ZDHHC2: variants seen among roughly 807,000 people sequenced by gnomAD.
ZDHHC2 encodes the protein palmitoyltransferase ZDHHC2.
A neutral mutation model predicts 55.6 loss-of-function variants in ZDHHC2; 51 were observed. The observed-to-expected ratio is 0.92, with a 90% CI of 0.73 to 1.16. The LOEUF is 1.16. Among genes scored for constraint, ZDHHC2 ranks in the 50% most tolerant of loss-of-function variants. ZDHHC2 has a pLI of 0.00. For synonymous variants in ZDHHC2, 199 were observed against 152.9 expected, an observed-to-expected ratio of 1.30 and a Z score of -2.22; for missense variants, 491 against 442.4, an observed-to-expected ratio of 1.11 and a Z score of -0.99.
chr8:17,204,342 G>A (rs985655806), intron 6 of ZDHHC2, among the ~76,000 whole-genome samples: 32 of 152,186 alleles, frequency 2.1e-4, no homozygotes, highest in Non-Finnish European at 4.3e-4. Flanking sequence ...GAACAAGAAC[G>A]TTTGAGAAAA....
At chr8:17,205,796 C>T in intron 7 of ZDHHC2, 21 bp downstream of exon 7, 1 of 1,584,288 alleles carries the variant, frequency 6.3e-7, no homozygotes, top group Non-Finnish European at 8.5e-7. Context: ...AACTTGGTAA[C>T]TCTTTTTTTG....
intron 1 of ZDHHC2, among the ~76,000 whole-genome samples, chr8:17,158,000 A>G (rs1045031338): frequency 1.3e-5 from 2 of 152,184 alleles, no homozygotes; most frequent in African/African-American, 2.4e-5. Flanking sequence ...ATAATCACTG[A>G]TGTAAGTTGT....
intron 3 of ZDHHC2, among the ~76,000 whole-genome samples, chr8:17,188,890 C>T (rs545845035): frequency 1.3e-5 from 2 of 152,274 alleles, no homozygotes; most frequent in East Asian, 1.9e-4. Context: ...CTCTTCTGTT[C>T]AGGCCAGAAA....
At position 17,156,702 on chromosome 8, in the gene ZDHHC2, G is replaced by T. The variant is rs1211418529; in HGVS notation, c.-22G>T. The T allele has an allele frequency of 1.4e-6, 2 of 1,434,810 alleles. No homozygotes were observed. Among genetic ancestry groups the T allele is most frequent in the Non-Finnish European group, 9.2e-7 (1 of 1,089,450 alleles). 88.9% of individuals were successfully genotyped at this position (1,434,810 alleles called of 1,614,324 possible). A position where few individuals can be genotyped will look rare whatever the true frequency, so the allele number is the denominator to read the frequency against. ...AGGCCCGCGGGCGGCGGCGGAGCTG[G>T]GCAGGTGGATGCGGCTGGAAGATGG... On this transcript the variant is annotated 5_prime_UTR_variant, in exon 1 of 13. Coordinates refer to ENST00000262096, the MANE Select transcript of ZDHHC2 (RefSeq NM_016353.5).
intron 1 of ZDHHC2, among the ~76,000 whole-genome samples, chr8:17,157,907 G>A (rs919479489): frequency 2.6e-5 from 4 of 152,116 alleles, no homozygotes; most frequent in African/African-American, 9.7e-5. Flanking sequence ...AAAGCCTCAA[G>A]ATTCAGACAT....
intron 6 of ZDHHC2, among the ~76,000 whole-genome samples, chr8:17,199,491 T>TTCG (rs1255581276): frequency 0.025 from 932 of 37,278 alleles, 20 homozygotes; most frequent in Middle Eastern, 0.045. Flanking sequence ...CTTCTTCTTC[T>TTCG]TCTTCTTCTT....
At chr8:17,184,078 A>G (rs922979094) in intron 1 of ZDHHC2, among the ~76,000 whole-genome samples, 1 of 152,224 alleles carries the variant, frequency 6.6e-6, no homozygotes, top group African/African-American at 2.4e-5. Context: ...AGACTCTAGT[A>G]CAAAGAGAGA....
chr8:17,201,792 G>A (rs886753346), intron 6 of ZDHHC2, among the ~76,000 whole-genome samples: 6 of 151,542 alleles, frequency 4.0e-5, no homozygotes, highest in Non-Finnish European at 7.4e-5. Flanking sequence ...CAACGCGCCC[G>A]GCCAGGGCAG....
chr8:17,169,210 A>G (rs1336047773), intron 1 of ZDHHC2, among the ~76,000 whole-genome samples: 1 of 150,600 alleles, frequency 6.6e-6, no homozygotes, highest in Non-Finnish European at 1.5e-5. Context: ...TATCCATGAG[A>G]TGTATCAGTG....
rs906728398 is a variant in ZDHHC2, at chr8:17,223,660, A to G, written c.*3439A>G. 3.3e-5 allele frequency: 5 copies of G among 151,770 alleles called. No homozygotes were observed. The highest frequency in any genetic ancestry group is 6.6e-5 in the Admixed American group (1 of 15,220). 9.4% of individuals were successfully genotyped at this position (151,770 alleles called of 1,614,324 possible). The stretch of plus-strand genomic sequence containing the variant: ...TTCCTAGATTCTACTTTTTATTGCA[A>G]GTGTTAGCAATATGATCTTGTAACG... On this transcript the variant is annotated 3_prime_UTR_variant, in exon 13 of 13. Transcript: ENST00000262096.
intron 1 of ZDHHC2, among the ~76,000 whole-genome samples, chr8:17,170,918 T>C (rs760921866): frequency 2.0e-5 from 3 of 152,236 alleles, no homozygotes; most frequent in Non-Finnish European, 4.4e-5. Flanking sequence ...AAAATAATCA[T>C]TGAGGCACTT....
At chr8:17,199,918 C>G (rs2150930481) in intron 6 of ZDHHC2, among the ~76,000 whole-genome samples, 2 of 152,114 alleles carry the variant, frequency 1.3e-5, no homozygotes, top group South Asian at 4.1e-4. Flanking sequence ...GTAACCTCAC[C>G]TGGCTAATTT....
chr8:17,211,265 G>A (rs926151357), intron 10 of ZDHHC2, among the ~76,000 whole-genome samples: 1 of 152,170 alleles, frequency 6.6e-6, no homozygotes, highest in African/African-American at 2.4e-5. Flanking sequence ...ATGAAAGCCA[G>A]TAGCAAAAGC....
rs1807887769 is a variant in ZDHHC2, at chr8:17,220,805, C to A, written c.*584C>A. On this transcript the variant is annotated 3_prime_UTR_variant, in exon 13 of 13. Transcript: ENST00000262096. ...GTCCAGGTGGCCTGCAGTTGAAGAT[C>A]ATCAACCATTTTTGCCTCACTTAAT... is the stretch of plus-strand genomic sequence containing the variant. 1 of 152,168 alleles carries A rather than the reference C, an allele frequency of 6.6e-6. No individual in the cohort carries two copies. The highest frequency in any genetic ancestry group is 1.5e-5 in the Non-Finnish European group (1 of 68,012). The allele number at this position is 152,168 out of a possible 1,614,324, so 9.4% of individuals were successfully genotyped here. A position where few individuals can be genotyped will look rare whatever the true frequency, so the allele number is the denominator to read the frequency against.
chr8:17,177,752 T>C (rs958123837), intron 1 of ZDHHC2, among the ~76,000 whole-genome samples: 2 of 148,716 alleles, frequency 1.3e-5, no homozygotes, highest in Non-Finnish European at 3.0e-5. Context: ...TTTGGGGTGT[T>C]TGTGTGTGTG....
chr8:17,171,526 T>G (rs1804852041), intron 1 of ZDHHC2, among the ~76,000 whole-genome samples: 1 of 152,146 alleles, frequency 6.6e-6, no homozygotes, highest in South Asian at 2.1e-4. Flanking sequence ...TTTTCAGAAC[T>G]GATAGATTGA....
intron 12 of ZDHHC2, among the ~76,000 whole-genome samples, 167 bp from the exon 13 acceptor site, chr8:17,220,089 C>T (rs1386560611): frequency 6.6e-6 from 1 of 151,930 alleles, no homozygotes; most frequent in Non-Finnish European, 1.5e-5. Flanking sequence ...AAAGTTTGAG[C>T]AGTATTGATG....
chr8:17,176,248 G>C (rs1039619030), intron 1 of ZDHHC2, among the ~76,000 whole-genome samples: 1 of 152,132 alleles, frequency 6.6e-6, no homozygotes, highest in East Asian at 1.9e-4. Context: ...AGACTGTTAG[G>C]AATATCAGGA....
chr8:17,216,936 A>T (rs1363103319), intron 11 of ZDHHC2, among the ~76,000 whole-genome samples: 1 of 152,140 alleles, frequency 6.6e-6, no homozygotes, highest in African/African-American at 2.4e-5. Context: ...CTACTTCCTC[A>T]GATGTCTATT....
Sources: gnomAD v4.1 joint callset for allele counts (sites outside exome capture counted in the v4.1 genomes callset) on GRCh38, gnomAD v4.1.1 for gene constraint, MANE v1.5 for transcripts, NCBI Gene and HGNC (gene_info 2026-07-23, HGNC 2026-07-21) for gene names.